The following NUP210 variants were observed in gnomAD, a reference collection of about 807,000 sequenced individuals.
The protein encoded by NUP210 is nucleoporin 210, also known as nuclear pore membrane glycoprotein 210.
Under a neutral mutation model 196.0 loss-of-function variants are expected in NUP210, and 151 were observed. The observed-to-expected ratio is 0.77, with a 90% CI of 0.67 to 0.88. The LOEUF (loss-of-function observed/expected upper bound fraction) is 0.88. Ranked by LOEUF, NUP210 falls within the 40% of genes least tolerant of loss-of-function variation. The pLI, the probability that NUP210 is intolerant of heterozygous loss-of-function variation, is 0.00. For missense variants in NUP210, 2,314 were observed against 2,493.7 expected, an observed-to-expected ratio of 0.93 and a Z score of 1.53; for synonymous variants, 1,070 against 1,052.7, an observed-to-expected ratio of 1.02 and a Z score of -0.32.
Position 13,403,555 on chromosome 3 carries a change from G to A in NUP210, c.168-3694C>T, listed in dbSNP as rs531369032. Among the ~76,000 whole-genome samples the A allele has an allele frequency of 1.4e-4, 21 of 152,330 alleles. No homozygotes were observed. In the South Asian group the frequency reaches 1.9e-3, roughly 14 times the overall value. Reference sequence around the variant, plus strand: ...TGAGGGGACACAGACATTCGTTCACGTGGTGAGTGGTTCCAATGCTGGCCT... The same window carrying A: ...TGAGGGGACACAGACATTCGTTCACATGGTGAGTGGTTCCAATGCTGGCCT... On this transcript the variant is annotated intron_variant, in intron 1 of 39. Transcript: ENST00000254508.
rs377467513 is a variant in NUP210, at chr3:13,332,289, G to A, written c.3935+4C>T. 3.8e-5 allele frequency: 62 copies of A among 1,610,578 alleles called. No individual in the cohort carries two copies. The highest frequency in any genetic ancestry group is 5.5e-5 in the South Asian group (5 of 91,012). On this transcript the variant is annotated splice_donor_region_variant and intron_variant, in intron 29 of 39. Coordinates refer to ENST00000254508, the MANE Select transcript of NUP210 (RefSeq NM_024923.4). ...TTGCTGGAAACAAGAGCTGAGTCACGTACCTGTTTGTCTGCAGCTTTATAT... is the reference window on the plus strand; with the variant it reads ...TTGCTGGAAACAAGAGCTGAGTCACATACCTGTTTGTCTGCAGCTTTATAT...
At position 13,319,075 on chromosome 3, in the gene NUP210, G is replaced by A; in HGVS notation, c.5560C>T (p.His1854Tyr). 6.2e-7 allele frequency: 1 copy of A among 1,601,724 alleles called. No homozygotes were observed. Among genetic ancestry groups the A allele is most frequent in the Non-Finnish European group, 8.5e-7 (1 of 1,175,518 alleles). The change falls in exon 39 of 40, where the codon CAC (histidine) becomes TAC (tyrosine). Residue 1854 changes from histidine (H) to tyrosine (Y), a missense_variant. Physicochemically the swap from His to Tyr is moderately conservative, Grantham distance 83. Transcript: ENST00000254508. ...TPRASPGHSP[H>Y]YFAASSPTSP... Reference sequence around the variant, plus strand: ...TGCCTGCAGGGGGGCTACTCACAGTGGGGGCTGTGTCCAGGGCTGGCTCGA... The same window carrying A: ...TGCCTGCAGGGGGGCTACTCACAGTAGGGGCTGTGTCCAGGGCTGGCTCGA...
chr3:13,338,345 T>G (rs968622743), intron 25 of NUP210, among the ~76,000 whole-genome samples: 1 of 152,242 alleles, frequency 6.6e-6, no homozygotes, highest in Non-Finnish European at 1.5e-5. Flanking sequence ...CTGTAGAGTC[T>G]GATCAGAACT....
At chr3:13,392,733 A>C (rs1699531205) in intron 3 of NUP210, among the ~76,000 whole-genome samples, 1 of 152,182 alleles carries the variant, frequency 6.6e-6, no homozygotes, top group Non-Finnish European at 1.5e-5. Context: ...CTGCACACTG[A>C]GCTGAAACAG....
At chr3:13,343,336 T>TGTGGGGGGGGG in intron 20 of NUP210, 33 bp from the exon 21 acceptor site, 2 of 260,404 alleles carry the variant, frequency 7.7e-6, no homozygotes, top group East Asian at 9.5e-5. Context: ...GAGGGGTGGG[T>TGTGGGGGGGGG]GGTGGGTTAC....
intron 16 of NUP210, among the ~76,000 whole-genome samples, chr3:13,355,850 G>A (rs962044911): frequency 2.6e-5 from 4 of 152,234 alleles, no homozygotes; most frequent in South Asian, 4.1e-4. Flanking sequence ...TGCTCCTCCA[G>A]GGAAGGAAAT....
intron 16 of NUP210, 52 bp from the exon 17 acceptor site, chr3:13,354,159 A>C: frequency 6.8e-7 from 1 of 1,461,138 alleles, no homozygotes; most frequent in South Asian, 1.3e-5. Context: ...CTGGACCTGG[A>C]CACTGACCAC....
intron 14 of NUP210, among the ~76,000 whole-genome samples, chr3:13,365,092 AAGCTAGGCAG>A (rs1444924008): frequency 6.6e-6 from 1 of 152,324 alleles, no homozygotes; most frequent in East Asian, 1.9e-4. Flanking sequence ...CGCCTCCTGC[AAGCTAGGCAG>A]AGTTCAAAGA....
intron 1 of NUP210, among the ~76,000 whole-genome samples, chr3:13,405,387 A>C (rs1049423565): frequency 6.6e-6 from 1 of 152,138 alleles, no homozygotes; most frequent in African/African-American, 2.4e-5. Context: ...GACTAAAACT[A>C]AACCATCAGC....
intron 30 of NUP210, among the ~76,000 whole-genome samples, chr3:13,330,076 C>T (rs1170688669): frequency 6.6e-6 from 1 of 152,276 alleles, no homozygotes; most frequent in Non-Finnish European, 1.5e-5. Context: ...GTTCCAGACA[C>T]TGGGCTGGCC....
rs755061299 is a variant in NUP210, at chr3:13,323,283, G to A, written c.4768+26C>T. The A allele has an allele frequency of 3.7e-6, 6 of 1,613,736 alleles. No individual in the cohort carries two copies. In the South Asian group the frequency reaches 6.6e-5, roughly 18 times the overall value. On this transcript the variant is annotated intron_variant, in intron 34 of 39. Transcript: ENST00000254508. The surrounding 1 kb of genome is among the most constrained non-coding windows in gnomAD (Gnocchi z 4.3). ...CCTCCCCGCTCCCAGGTACTCTGAA[G>A]ACAGCCCAAGCCCCTCATTAAGTAC...
At chr3:13,398,765 A>G (rs1373130305) in intron 2 of NUP210, among the ~76,000 whole-genome samples, 1 of 152,080 alleles carries the variant, frequency 6.6e-6, no homozygotes, top group East Asian at 1.9e-4. Context: ...GCCACAAAAA[A>G]TTTTACAAAT....
In NUP210 at chr3:13,368,815, T is replaced by C. The variant is rs142026726; in HGVS notation, c.1787-2724A>G. Among the ~76,000 whole-genome samples, 4 of 152,346 alleles carry C rather than the reference T, an allele frequency of 2.6e-5. No homozygotes were observed. The East Asian group carries it at 7.7e-4, about 29-fold the overall frequency. ...CACTGTATGGATAGACCTCATTGTG[T>C]TCATCCATTCTTCCAACGGTGGACA... On this transcript the variant is annotated intron_variant, in intron 13 of 39. Coordinates refer to ENST00000254508, the MANE Select transcript of NUP210 (RefSeq NM_024923.4).
intron 21 of NUP210, 48 bp downstream of exon 21, chr3:13,343,127 G>T: frequency 1.9e-6 from 3 of 1,608,204 alleles, no homozygotes; most frequent in Non-Finnish European, 2.6e-6. Flanking sequence ...CTCCCTCCCA[G>T]TTCCTGCAGG....
chr3:13,332,871 G>A (rs1454619862), intron 28 of NUP210, among the ~76,000 whole-genome samples: 1 of 152,238 alleles, frequency 6.6e-6, no homozygotes, highest in Non-Finnish European at 1.5e-5. Flanking sequence ...TTACCTGCCA[G>A]GATGTGAGCG....
intron 3 of NUP210, among the ~76,000 whole-genome samples, chr3:13,393,947 C>G (rs1699571004): frequency 6.6e-6 from 1 of 152,210 alleles, no homozygotes; most frequent in Admixed American, 6.5e-5. Context: ...CCAATGCCGG[C>G]TGGCCCCAAA....
At chr3:13,368,029 A>G (rs1300846175) in intron 13 of NUP210, among the ~76,000 whole-genome samples, 1 of 152,170 alleles carries the variant, frequency 6.6e-6, no homozygotes, top group African/African-American at 2.4e-5. Flanking sequence ...GTCAATTTAC[A>G]CTGCTGCCAA....
At chr3:13,409,016 A>G (rs1323800442) in intron 1 of NUP210, among the ~76,000 whole-genome samples, 1 of 152,032 alleles carries the variant, frequency 6.6e-6, no homozygotes, top group Admixed American at 6.5e-5. Flanking sequence ...TGTTCTGCTC[A>G]ATGTCCTCCC....
At chr3:13,409,289 T>C (rs1298422666) in intron 1 of NUP210, among the ~76,000 whole-genome samples, 1 of 152,198 alleles carries the variant, frequency 6.6e-6, no homozygotes. Context: ...ATGACATGTG[T>C]TAACAGGTGG....
Sources: allele counts gnomAD v4.1 joint callset (sites outside exome capture counted in the v4.1 genomes callset), GRCh38; gene constraint gnomAD v4.1.1; non-coding constraint Gnocchi (gnomAD v3.1); transcripts MANE v1.5; gene names NCBI Gene and HGNC (gene_info 2026-07-23, HGNC 2026-07-21).